Variants in RGS7 observed in about 807,000 individuals in gnomAD.
RGS7 encodes regulator of G-protein signaling 7.
In RGS7, 27 loss-of-function variants were observed where a neutral mutation model predicts 81.1. The observed-to-expected ratio is 0.33, with a 90% confidence interval of 0.25 to 0.46. RGS7 has a LOEUF of 0.46. Among genes scored for constraint, RGS7 ranks in the 20% least tolerant of loss-of-function variants. The probability of loss-of-function intolerance (pLI) is 1.00; values close to 1 mark genes in which losing one functional copy is unlikely to be tolerated. For missense variants in RGS7, 396 were observed against 607.4 expected, an observed-to-expected ratio of 0.65 and a Z score of 3.66; for synonymous variants, 208 against 207.7, an observed-to-expected ratio of 1.00 and a Z score of -0.01.
At chr1:240,954,436 C>T (rs1419663502) in intron 4 of RGS7, among the ~76,000 whole-genome samples, 2 of 152,052 alleles carry the variant, frequency 1.3e-5, no homozygotes, top group African/African-American at 2.4e-5. Flanking sequence ...AAGCCTGATA[C>T]AGCATTTGAA....
chr1:241,345,909 G>A (rs141483356), intron 2 of RGS7, among the ~76,000 whole-genome samples: 828 of 77,972 alleles, frequency 0.011, 6 homozygotes, highest in Non-Finnish European at 0.014. Context: ...CCAGCTACTC[G>A]GGAGGCTGAG....
At chr1:240,823,458 A>G (rs1692187000) in intron 10 of RGS7, 2 of 245,660 alleles carry the variant, frequency 8.1e-6, no homozygotes, top group Non-Finnish European at 1.6e-5. Context: ...CGCTCAGGAC[A>G]CGGGCTGCGG....
At chr1:240,940,442 T>C (rs763016709) in intron 4 of RGS7, among the ~76,000 whole-genome samples, 2 of 152,138 alleles carry the variant, frequency 1.3e-5, no homozygotes, top group Non-Finnish European at 2.9e-5. Context: ...TTACACCTGT[T>C]AGGGAATATA....
intron 9 of RGS7, among the ~76,000 whole-genome samples, chr1:240,864,585 G>A (rs1242893298): frequency 6.6e-6 from 1 of 152,094 alleles, no homozygotes; most frequent in African/African-American, 2.4e-5. Flanking sequence ...TGCACCTAGA[G>A]GACAGATCCC....
intron 3 of RGS7, among the ~76,000 whole-genome samples, chr1:241,003,318 G>A (rs546094196): frequency 2.6e-4 from 39 of 152,060 alleles, no homozygotes; most frequent in African/African-American, 8.2e-4. Flanking sequence ...AAAATTAGCC[G>A]GGCGTCGTGG....
chr1:241,295,809 CCTGA>C (rs1400460507), intron 2 of RGS7, among the ~76,000 whole-genome samples: 1 of 152,090 alleles, frequency 6.6e-6, no homozygotes, highest in Non-Finnish European at 1.5e-5. Context: ...GCAGTGTCAG[CCTGA>C]CTATGTGGTC....
chr1:241,123,779 C>T (rs1385463045), intron 2 of RGS7, among the ~76,000 whole-genome samples: 1 of 151,984 alleles, frequency 6.6e-6, no homozygotes, highest in Non-Finnish European at 1.5e-5. Context: ...GAGAACATGG[C>T]TTTAGGTTTT....
At chr1:240,887,443 T>G (rs1667562110) in intron 6 of RGS7, among the ~76,000 whole-genome samples, 1 of 152,110 alleles carries the variant, frequency 6.6e-6, no homozygotes, top group Non-Finnish European at 1.5e-5. Context: ...TTAGCCAGGA[T>G]GGTCTCAATC....
intron 2 of RGS7, among the ~76,000 whole-genome samples, chr1:241,337,788 C>A (rs1165411725): frequency 3.3e-5 from 5 of 152,180 alleles, no homozygotes; most frequent in African/African-American, 1.2e-4. Context: ...CAACTCAGTA[C>A]TTCCGTACAT....
intron 18 of RGS7, among the ~76,000 whole-genome samples, chr1:240,796,399 AT>A (rs1434936896): frequency 6.6e-6 from 1 of 152,084 alleles, no homozygotes; most frequent in Non-Finnish European, 1.5e-5. Context: ...TTAAAAACAG[AT>A]TTCGGCTGGG....
At chr1:241,089,814 G>T (rs1030057065) in intron 3 of RGS7, among the ~76,000 whole-genome samples, 12 of 151,940 alleles carry the variant, frequency 7.9e-5, no homozygotes. Context: ...GACCATCCCG[G>T]CTAACACGGT....
At chr1:241,289,325 T>C (rs1238874185) in intron 2 of RGS7, among the ~76,000 whole-genome samples, 2 of 152,206 alleles carry the variant, frequency 1.3e-5, no homozygotes, top group Non-Finnish European at 2.9e-5. Flanking sequence ...ATCTAGCAAA[T>C]GCCCACTCAT....
At chr1:241,096,828 T>C (rs969318740) in intron 3 of RGS7, among the ~76,000 whole-genome samples, 1 of 152,140 alleles carries the variant, frequency 6.6e-6, no homozygotes, top group Non-Finnish European at 1.5e-5. Flanking sequence ...CCTATGTATT[T>C]TCATAATTCC....
chr1:241,169,705 TG>T (rs1558151078), intron 2 of RGS7, among the ~76,000 whole-genome samples: 1 of 152,180 alleles, frequency 6.6e-6, no homozygotes, highest in Non-Finnish European at 1.5e-5. Context: ...ACTTTACTGA[TG>T]GCTAGTATAA....
chr1:240,815,839 C>T (rs554281832), intron 11 of RGS7, among the ~76,000 whole-genome samples: 5 of 152,260 alleles, frequency 3.3e-5, no homozygotes, highest in South Asian at 2.1e-4. Context: ...CATGGCTGTA[C>T]GCCAGTGGTG....
intron 18 of RGS7, among the ~76,000 whole-genome samples, chr1:240,788,070 T>C (rs1310791977): frequency 2.0e-5 from 3 of 152,252 alleles, no homozygotes; most frequent in Admixed American, 2.0e-4. Flanking sequence ...CAGGAAATTA[T>C]TAAATGGGAC....
intron 2 of RGS7, among the ~76,000 whole-genome samples, chr1:241,139,589 C>T (rs2067777844): frequency 6.6e-6 from 1 of 152,176 alleles, no homozygotes; most frequent in African/African-American, 2.4e-5. Context: ...AACCATTCTC[C>T]AAAATGGCTG....
intron 2 of RGS7, among the ~76,000 whole-genome samples, chr1:241,121,710 C>CTGTTTTTTTT (rs2066269131): frequency 1.5e-5 from 1 of 66,412 alleles, no homozygotes; most frequent in Non-Finnish European, 2.7e-5. Context: ...TGCAATTGTT[C>CTGTTTTTTTT]TTTTTTTTTT....
chr1:240,900,728 CT>C (rs1161046189), intron 6 of RGS7, among the ~76,000 whole-genome samples: 25 of 152,200 alleles, frequency 1.6e-4, no homozygotes, highest in Non-Finnish European at 7.3e-5. Context: ...CCCAGTTAGG[CT>C]ACTCGGGGGT....
Sources: gnomAD v4.1 joint callset for allele counts (sites outside exome capture counted in the v4.1 genomes callset) on GRCh38, gnomAD v4.1.1 for gene constraint, MANE v1.5 for transcripts, NCBI Gene and HGNC (gene_info 2026-07-23, HGNC 2026-07-21) for gene names.